CRKL: variants seen among roughly 807,000 people sequenced by gnomAD.
CRKL encodes crk-like protein.
CRKL carries 3 observed loss-of-function variants against 23.0 expected under a neutral mutation model. The ratio of observed to expected loss-of-function variants is 0.13; its 90% CI spans 0.06 to 0.34. The LOEUF (loss-of-function observed/expected upper bound fraction) is 0.34, where lower values mean the gene tolerates loss of function less well. Among genes scored for constraint, CRKL ranks in the 10% least tolerant of loss-of-function variants. The pLI is 1.00. For missense variants in CRKL, 256 were observed against 394.5 expected (o/e 0.65, Z 2.97); for synonymous variants, 188 against 160.7 (o/e 1.17, Z -1.28).
chr22:20,944,696 C>T (rs1281948437), intron 2 of CRKL, among the ~76,000 whole-genome samples: 1 of 152,116 alleles, frequency 6.6e-6, no homozygotes, highest in African/African-American at 2.4e-5. Flanking sequence ...AGCCACCGCA[C>T]AGCCTATTCT....
chr22:20,928,466 T>TA (rs1231353820), intron 1 of CRKL, among the ~76,000 whole-genome samples: 1 of 151,170 alleles, frequency 6.6e-6, no homozygotes, highest in Non-Finnish European at 1.5e-5. Context: ...CAAAAAAATT[T>TA]ACAAAACAAG....
rs552254981 is a variant in CRKL, at chr22:20,933,066, C to T, written c.312-713C>T. ...CTGCACTCCAGCCTGGGTGACAGAG[C>T]AAGATTCTGTCTCCAAAAAAAAGGC... On this transcript the variant is annotated intron_variant, in intron 1 of 2. Coordinates refer to ENST00000354336, the MANE Select transcript of CRKL (RefSeq NM_005207.4). 6.0e-5 allele frequency among the ~76,000 whole-genome samples: 9 copies of T among 150,182 alleles called. 1 individual carries two copies. Among genetic ancestry groups the T allele is most frequent in the African/African-American group, 2.2e-4 (9 of 40,790 alleles).
In CRKL at chr22:20,918,242, C is replaced by T. The variant is rs776895332; in HGVS notation, c.308C>T (p.Pro103Leu). Residue 103 changes from proline to leucine, a missense_variant, in exon 1 of 3, where the codon CCC becomes CTC. Physicochemically the swap from Pro to Leu is moderately conservative, Grantham distance 98. Around this residue, in one of 3 missense-constraint regions of CRKL, gnomAD observed 42 missense variants for 32.7 expected, o/e 1.29. Transcript: ENST00000354336. ...LDTTTLIEPA[P>L]RYPSPPMGSV... Reference sequence around the variant, plus strand: ...ACCACCACCCTCATCGAGCCTGCGCCCAGGTACGCGAGAGCCCTCCCCGAC... The same window carrying T: ...ACCACCACCCTCATCGAGCCTGCGCTCAGGTACGCGAGAGCCCTCCCCGAC... 1 of 1,613,562 alleles carries T rather than the reference C, an allele frequency of 6.2e-7. No homozygotes were observed. Among genetic ancestry groups the T allele is most frequent in the South Asian group, 1.1e-5 (1 of 91,074 alleles).
At chr22:20,924,093 T>A (rs1921102235) in intron 1 of CRKL, among the ~76,000 whole-genome samples, 1 of 151,888 alleles carries the variant, frequency 6.6e-6, no homozygotes, top group African/African-American at 2.4e-5. Flanking sequence ...GAGGCTGAAG[T>A]GGAAAGATTG....
intron 2 of CRKL, among the ~76,000 whole-genome samples, chr22:20,948,802 A>G (rs1265628563): frequency 6.6e-6 from 1 of 152,078 alleles, no homozygotes; most frequent in Non-Finnish European, 1.5e-5. Flanking sequence ...GCCTGGTTCT[A>G]TATGTGTTTA....
chr22:20,948,421 G>GGTAT (rs1422588375), intron 2 of CRKL, among the ~76,000 whole-genome samples: 1 of 151,970 alleles, frequency 6.6e-6, no homozygotes, highest in Non-Finnish European at 1.5e-5. Context: ...GCATCCAAAG[G>GGTAT]GTATGATCAT....
At position 20,917,623 on chromosome 22, in the gene CRKL, T is replaced by G. The variant is rs1929738277; in HGVS notation, c.-312T>G. On this transcript the variant is annotated 5_prime_UTR_variant, in exon 1 of 3. Transcript: ENST00000354336. ...GGCCGGGAGTCACTGGAGGCACCCC[T>G]GGGACGCCGAGCAGCCCGAGAACCC... The G allele has an allele frequency of 2.4e-6, 1 of 409,468 alleles. No homozygotes were observed. The highest frequency in any genetic ancestry group is 4.0e-5 in the South Asian group (1 of 24,704). The allele number at this position is 409,468 out of a possible 1,614,324, so 25.4% of individuals were successfully genotyped here.
chr22:20,947,102 A>G (rs1214455921), intron 2 of CRKL, among the ~76,000 whole-genome samples: 1 of 152,180 alleles, frequency 6.6e-6, no homozygotes, highest in African/African-American at 2.4e-5. Flanking sequence ...TTCTCTTCCT[A>G]GGCTGCTCTT....
At chr22:20,948,748 C>T (rs1461100719) in intron 2 of CRKL, among the ~76,000 whole-genome samples, 1 of 152,288 alleles carries the variant, frequency 6.6e-6, no homozygotes, top group Non-Finnish European at 1.5e-5. Context: ...AGTCCTCCCA[C>T]CTCAGTCTGC....
chr22:20,952,039 A>T lies in CRKL; in HGVS notation c.*2194A>T. ...TCACAAGAGTCCCCAGACTCTGCCT[A>T]GAAACAGTGTTTGCCCTTTGGCCAG... On this transcript the variant is annotated 3_prime_UTR_variant, in exon 3 of 3. Coordinates refer to ENST00000354336, the MANE Select transcript of CRKL (RefSeq NM_005207.4). 1 of 225,974 alleles carries T rather than the reference A, an allele frequency of 4.4e-6. No homozygotes were observed. Among genetic ancestry groups the T allele is most frequent in the Non-Finnish European group, 8.8e-6 (1 of 113,628 alleles). 14.0% of individuals were successfully genotyped at this position (225,974 alleles called of 1,614,324 possible). A position where few individuals can be genotyped will look rare whatever the true frequency, so the allele number is the denominator to read the frequency against.
chr22:20,927,235 G>C (rs996575865), intron 1 of CRKL, among the ~76,000 whole-genome samples: 3 of 110,954 alleles, frequency 2.7e-5, no homozygotes, highest in Non-Finnish European at 5.2e-5. Context: ...CTGTCGCCCA[G>C]GCTGAAGTGC....
chr22:20,946,412 A>T (rs1241694691), intron 2 of CRKL, among the ~76,000 whole-genome samples: 1 of 152,146 alleles, frequency 6.6e-6, no homozygotes, highest in African/African-American at 2.4e-5. Context: ...TGTGTTTTAG[A>T]GTTAATGTGT....
chr22:20,931,119 G>A (rs1921435275), intron 1 of CRKL, among the ~76,000 whole-genome samples: 2 of 152,120 alleles, frequency 1.3e-5, no homozygotes, highest in African/African-American at 2.4e-5. Flanking sequence ...TCTTGAAATA[G>A]CAGGGGCTGG....
At chr22:20,922,280 CA>C (rs1921022572) in intron 1 of CRKL, among the ~76,000 whole-genome samples, 1 of 151,990 alleles carries the variant, frequency 6.6e-6, no homozygotes, top group Non-Finnish European at 1.5e-5. Flanking sequence ...CTCAGCCTCC[CA>C]AAGTGCTGGG....
intron 2 of CRKL, among the ~76,000 whole-genome samples, chr22:20,944,139 C>CTTTTTTTT (rs57177824): frequency 2.8e-5 from 3 of 105,858 alleles, no homozygotes; most frequent in Non-Finnish European, 5.5e-5. Flanking sequence ...GTAGTATTAG[C>CTTTTTTTT]TTTTTTTTTT....
intron 2 of CRKL, among the ~76,000 whole-genome samples, chr22:20,943,172 G>A (rs1345747863): frequency 6.6e-6 from 1 of 152,118 alleles, no homozygotes; most frequent in Non-Finnish European, 1.5e-5. Flanking sequence ...CAAATCTTTG[G>A]ATAAATATTT....
chr22:20,948,645 T>C (rs1922157531), intron 2 of CRKL, among the ~76,000 whole-genome samples: 1 of 152,124 alleles, frequency 6.6e-6, no homozygotes, highest in African/African-American at 2.4e-5. Flanking sequence ...CACGGACCAT[T>C]GGACTGTGCC....
chr22:20,921,020 A>G (rs939668270), intron 1 of CRKL, among the ~76,000 whole-genome samples: 11 of 152,212 alleles, frequency 7.2e-5, no homozygotes, highest in African/African-American at 2.7e-4. Context: ...TGAATCTTCG[A>G]ATTGCCACTC....
intron 2 of CRKL, among the ~76,000 whole-genome samples, chr22:20,947,241 C>CTT (rs200264489): frequency 0.071 from 10,151 of 143,378 alleles, 373 homozygotes; most frequent in East Asian, 0.13. Flanking sequence ...GTCTCTCTCT[C>CTT]TTTTTTTTTT....
Sources: allele counts gnomAD v4.1 joint callset (sites outside exome capture counted in the v4.1 genomes callset), GRCh38; gene constraint gnomAD v4.1.1; regional missense constraint gnomAD v4.1.1; transcripts MANE v1.5; gene names NCBI Gene and HGNC (gene_info 2026-07-23, HGNC 2026-07-21).